The following SNX29 variants were observed in gnomAD, a reference collection of about 807,000 sequenced individuals.
SNX29 encodes sorting nexin 29, also known as sorting nexin-29.
Under a neutral mutation model 102.1 loss-of-function variants are expected in SNX29, and 78 were observed. That is an observed-to-expected ratio of 0.76 (90% confidence interval 0.64 to 0.92). The LOEUF is 0.92. Among genes scored for constraint, SNX29 ranks in the 40% least tolerant of loss-of-function variants. The pLI is 0.00. For synonymous variants in SNX29, 580 were observed against 414.5 expected (o/e 1.40, Z -4.85); for missense variants, 1,280 against 1,061.7 (o/e 1.21, Z -2.86).
chr16:12,389,486 A>G (rs1023265649), intron 16 of SNX29, among the ~76,000 whole-genome samples: 11 of 152,124 alleles, frequency 7.2e-5, no homozygotes, highest in African/African-American at 2.4e-4. Flanking sequence ...GTAAGATGTG[A>G]CTTGCTCTTC....
At chr16:12,567,777 G>GA (rs2079073004) in intron 20 of SNX29, among the ~76,000 whole-genome samples, 1 of 152,160 alleles carries the variant, frequency 6.6e-6, no homozygotes, top group African/African-American at 2.4e-5. Flanking sequence ...ATACAATTTT[G>GA]AAAAAATGCA....
intron 13 of SNX29, among the ~76,000 whole-genome samples, chr16:12,175,045 G>A (rs1567278853): frequency 6.6e-6 from 1 of 152,200 alleles, no homozygotes; most frequent in Admixed American, 6.5e-5. Context: ...TTACTGCTTA[G>A]GTGGCTTCTA....
chr16:12,423,684 T>C (rs2084951827), intron 18 of SNX29, among the ~76,000 whole-genome samples: 1 of 152,096 alleles, frequency 6.6e-6, no homozygotes, highest in African/African-American at 2.4e-5. Context: ...CATTCTCCTG[T>C]CTCAGCCTCC....
At chr16:12,029,211 A>C (rs1235175325) in intron 4 of SNX29, among the ~76,000 whole-genome samples, 1 of 151,680 alleles carries the variant, frequency 6.6e-6, no homozygotes, top group African/African-American at 2.4e-5. Flanking sequence ...ACTCATTTGT[A>C]GAAATGAGTT....
intron 16 of SNX29, among the ~76,000 whole-genome samples, chr16:12,361,772 T>A (rs577680559): frequency 6.6e-6 from 1 of 152,296 alleles, no homozygotes; most frequent in South Asian, 2.1e-4. Flanking sequence ...GTATCAAAAT[T>A]TTTAGACTCA....
chr16:12,539,719 G>T (rs1300668045), intron 20 of SNX29, among the ~76,000 whole-genome samples: 2 of 152,176 alleles, frequency 1.3e-5, no homozygotes, highest in Non-Finnish European at 2.9e-5. Context: ...ATTCTTTACT[G>T]TGGCTGTTCA....
intron 15 of SNX29, among the ~76,000 whole-genome samples, chr16:12,313,944 C>T (rs1224016859): frequency 4.6e-5 from 7 of 152,218 alleles, no homozygotes; most frequent in Non-Finnish European, 1.0e-4. Context: ...GACTCAAGTC[C>T]AGTTCTTTGG....
At chr16:12,542,124 G>C (rs1280099941) in intron 20 of SNX29, among the ~76,000 whole-genome samples, 3 of 152,168 alleles carry the variant, frequency 2.0e-5, no homozygotes, top group Non-Finnish European at 4.4e-5. Context: ...AATTGAGCCA[G>C]CATTTCCAAT....
intron 15 of SNX29, among the ~76,000 whole-genome samples, chr16:12,316,305 A>C (rs7201695): frequency 1.3e-5 from 2 of 152,124 alleles, no homozygotes; most frequent in African/African-American, 2.4e-5. Context: ...GGTGGATCAC[A>C]AGGCCGAGGT....
Position 12,546,903 on chromosome 16 carries a change from G to A in SNX29, c.2319-21603G>A, listed in dbSNP as rs566833837. 2.0e-5 allele frequency among the ~76,000 whole-genome samples: 3 copies of A among 152,318 alleles called. No homozygotes were observed. In the East Asian group the frequency reaches 5.8e-4, roughly 29 times the overall value. On this transcript the variant is annotated intron_variant, in intron 20 of 20. Coordinates refer to ENST00000566228, the MANE Select transcript of SNX29 (RefSeq NM_032167.5). ...TTTTTCCAGGGCTAGGAGTGCAGCT[G>A]GAAGCCCTAGGAGGATGAGAGCAGG...
At chr16:12,045,597 C>G (rs2050053288) in intron 5 of SNX29, among the ~76,000 whole-genome samples, 1 of 117,792 alleles carries the variant, frequency 8.5e-6, no homozygotes, top group African/African-American at 2.9e-5. Flanking sequence ...GGTCTGTAAC[C>G]TAGGCAGGCA....
rs1042971000 is a variant in SNX29, at chr16:12,570,132, G to A, written c.*1503G>A. ...AGGAAGATTGTTCATGGCCTTTAAG[G>A]AAGGCTGAGATCACTCACACACAGC... On this transcript the variant is annotated 3_prime_UTR_variant, in exon 21 of 21. Coordinates refer to ENST00000566228, the MANE Select transcript of SNX29 (RefSeq NM_032167.5). 4.8e-5 allele frequency: 51 copies of A among 1,052,864 alleles called. No homozygotes were observed. Among genetic ancestry groups the A allele is most frequent in the Non-Finnish European group, 5.8e-5 (50 of 868,270 alleles). The allele number at this position is 1,052,864 out of a possible 1,614,324, so 65.2% of individuals were successfully genotyped here. A position where few individuals can be genotyped will look rare whatever the true frequency, so the allele number is the denominator to read the frequency against.
intron 14 of SNX29, among the ~76,000 whole-genome samples, chr16:12,252,431 A>G (rs1432889213): frequency 6.6e-6 from 1 of 152,196 alleles, no homozygotes; most frequent in East Asian, 1.9e-4. Context: ...CCTTTCAGGA[A>G]TTCAGTTTTC....
intron 18 of SNX29, among the ~76,000 whole-genome samples, chr16:12,457,314 T>C (rs1486756790): frequency 6.6e-6 from 1 of 152,218 alleles, no homozygotes; most frequent in Non-Finnish European, 1.5e-5. Context: ...TGGCCAGGGT[T>C]GTCCAGCTGG....
At chr16:11,977,429 T>TA (rs1217890686) in intron 1 of SNX29, 16 of 153,160 alleles carry the variant, frequency 1.0e-4, no homozygotes, top group Admixed American at 9.8e-4. Flanking sequence ...TCTTCCCAGT[T>TA]ACCCACTCGG....
chr16:12,359,345 C>G (rs1027400653), intron 16 of SNX29, among the ~76,000 whole-genome samples: 1 of 151,242 alleles, frequency 6.6e-6, no homozygotes, highest in Non-Finnish European at 1.5e-5. Context: ...CTACCAATAC[C>G]TTTTTGCATG....
chr16:12,326,268 C>T (rs2081114746), intron 15 of SNX29, among the ~76,000 whole-genome samples: 1 of 151,914 alleles, frequency 6.6e-6, no homozygotes, highest in South Asian at 2.1e-4. Context: ...CCCGCCTTGG[C>T]CCCACAAAGT....
chr16:12,343,306 C>G lies in SNX29; in HGVS notation c.1783-12857C>G, dbSNP rs558090771. On this transcript the variant is annotated intron_variant, in intron 15 of 20. Coordinates refer to ENST00000566228, the MANE Select transcript of SNX29 (RefSeq NM_032167.5). Reference sequence around the variant, plus strand: ...GGGTGAAATGTTTTCCAGAAAACTTCTGACTTGGTGTGCTAGTGTTAGCTT... The same window carrying G: ...GGGTGAAATGTTTTCCAGAAAACTTGTGACTTGGTGTGCTAGTGTTAGCTT... Among the ~76,000 whole-genome samples, 16 of 152,316 alleles carry G rather than the reference C, an allele frequency of 1.1e-4. No homozygotes were observed. In the South Asian group the frequency reaches 2.9e-3, roughly 28 times the overall value.
rs1359257907 is a variant in SNX29 at position 12,470,317 on chromosome 16, C to A, written c.2038-7402C>A. Reference sequence around the variant, plus strand: ...TGTTGGTTCCACGTTCGCTGTGTGTCAGTGAATGTTTATTTCTGAGTTCTC... The same window carrying A: ...TGTTGGTTCCACGTTCGCTGTGTGTAAGTGAATGTTTATTTCTGAGTTCTC... On this transcript the variant is annotated intron_variant, in intron 18 of 20. Coordinates refer to ENST00000566228, the MANE Select transcript of SNX29 (RefSeq NM_032167.5). Among the ~76,000 whole-genome samples the A allele has an allele frequency of 2.0e-5, 3 of 152,206 alleles. No individual in the cohort carries two copies. The South Asian group carries it at 6.2e-4, about 32-fold the overall frequency.
Sources: gnomAD v4.1 joint callset for allele counts (sites outside exome capture counted in the v4.1 genomes callset) on GRCh38, gnomAD v4.1.1 for gene constraint, MANE v1.5 for transcripts, NCBI Gene and HGNC (gene_info 2026-07-23, HGNC 2026-07-21) for gene names.